RP1: variants seen among roughly 807,000 people sequenced by gnomAD.
The protein encoded by RP1 is oxygen-regulated protein 1.
RP1 carries 16 observed loss-of-function variants against 14.8 expected under a neutral mutation model. The observed-to-expected ratio is 1.08, with a 90% CI of 0.73 to 1.65. RP1 has a LOEUF of 1.65. RP1 is among the 40% of genes most tolerant of loss of function. RP1 has a pLI of 0.00. For missense variants in RP1, 2,631 were observed against 2,535.0 expected (o/e 1.04, Z -0.81); for synonymous variants, 876 against 883.6 (o/e 0.99, Z 0.15).
chr8:54,869,980 AAAG>A, exon 29 of RP1: 3 of 932,834 alleles, frequency 3.2e-6, no homozygotes, highest in Non-Finnish European at 4.2e-6. Flanking sequence ...ATATGCTTCA[AAAG>A]GCTATTGATC....
exon 12 of RP1, chr8:54,679,932 T>C (rs748779536): frequency 8.5e-6 from 13 of 1,535,798 alleles, no homozygotes; most frequent in African/African-American, 2.7e-5. Context: ...CAGACAAATA[T>C]GGTAAAACTA....
Position 54,706,384 on chromosome 8 carries a change from C to T in RP1, c.1999-59C>T, listed in dbSNP as rs917742202. 6.0e-6 allele frequency: 9 copies of T among 1,501,770 alleles called. No homozygotes were observed. In the African/African-American group the frequency reaches 1.2e-4, roughly 21 times the overall value. The allele number at this position is 1,501,770 out of a possible 1,614,324, so 93.0% of individuals were successfully genotyped here. A position where few individuals can be genotyped will look rare whatever the true frequency, so the allele number is the denominator to read the frequency against. On this transcript the variant is annotated intron_variant, in intron 14 of 22. Transcript: ENST00000636932. ...GAGAATTGCCTCTATAGTTGTCTCCCTCTAGCAAAACACGAGCCCGTTACT... is the reference window on the plus strand; with the variant it reads ...GAGAATTGCCTCTATAGTTGTCTCCTTCTAGCAAAACACGAGCCCGTTACT...
chr8:54,797,227 C>T (rs1437579769), intron 24 of RP1, among the ~76,000 whole-genome samples: 1 of 152,124 alleles, frequency 6.6e-6, no homozygotes, highest in Non-Finnish European at 1.5e-5. Flanking sequence ...ACTTTCTTAA[C>T]AGCTACCAAA....
At chr8:54,708,550 G>A (rs547240660) in intron 15 of RP1, among the ~76,000 whole-genome samples, 1 of 151,966 alleles carries the variant, frequency 6.6e-6, no homozygotes, top group Non-Finnish European at 1.5e-5. Flanking sequence ...TAGTAGAGAC[G>A]GTGTTTCACC....
intron 25 of RP1, among the ~76,000 whole-genome samples, chr8:54,843,220 A>G (rs947572186): frequency 6.6e-6 from 1 of 151,882 alleles, no homozygotes; most frequent in Non-Finnish European, 1.5e-5. Flanking sequence ...ATTTTTATGT[A>G]TTTATGTATG....
At chr8:54,583,869 C>T (rs559100794) in intron 1 of RP1, among the ~76,000 whole-genome samples, 11 of 152,092 alleles carry the variant, frequency 7.2e-5, no homozygotes, top group South Asian at 2.1e-4. Context: ...TTTTTTATTA[C>T]GTCTATTTGA....
chr8:54,697,327 G>C (rs1802237318), intron 12 of RP1, among the ~76,000 whole-genome samples: 2 of 152,166 alleles, frequency 1.3e-5, no homozygotes, highest in Non-Finnish European at 2.9e-5. Flanking sequence ...GTCTGAGGCA[G>C]GTGGATCTCC....
intron 24 of RP1, among the ~76,000 whole-genome samples, chr8:54,821,607 A>C (rs1395725245): frequency 6.6e-6 from 1 of 152,238 alleles, no homozygotes; most frequent in Non-Finnish European, 1.5e-5. Context: ...TGAAACTACC[A>C]GTTAGTCATC....
intron 1 of RP1, among the ~76,000 whole-genome samples, chr8:54,608,651 C>T (rs1166424843): frequency 6.6e-6 from 1 of 152,116 alleles, no homozygotes; most frequent in Non-Finnish European, 1.5e-5. Context: ...CTATAACAAA[C>T]CTGTACATGC....
At chr8:54,615,541 T>C (rs1252334612), upstream of RP1, among the ~76,000 whole-genome samples, 2 of 152,144 alleles carry the variant, frequency 1.3e-5, no homozygotes, top group African/African-American at 2.4e-5. Flanking sequence ...AGTGGAAGCG[T>C]GCTGGGTATG....
intron 14 of RP1, chr8:54,706,433 T>G: frequency 6.5e-7 from 1 of 1,535,570 alleles, no homozygotes; most frequent in African/African-American, 1.4e-5. Flanking sequence ...TTCTGTTTGT[T>G]GCTCTGAAGG....
chr8:54,613,653 G>A (rs889566796), upstream of RP1, among the ~76,000 whole-genome samples: 2 of 152,160 alleles, frequency 1.3e-5, no homozygotes, highest in Non-Finnish European at 2.9e-5. Context: ...TGATGTAGTG[G>A]GAAGGCAGGG....
chr8:54,674,527 G>C (rs76412425), intron 8 of RP1, among the ~76,000 whole-genome samples: 1 of 136,920 alleles, frequency 7.3e-6, no homozygotes, highest in African/African-American at 2.8e-5. Flanking sequence ...AAAAAAAAAG[G>C]AAAAAAAAAC....
At chr8:54,721,479 G>C (rs1808535613) in intron 16 of RP1, among the ~76,000 whole-genome samples, 2 of 152,168 alleles carry the variant, frequency 1.3e-5, no homozygotes, top group Non-Finnish European at 2.9e-5. Context: ...TGACCAGAAA[G>C]CAGGTAGAGA....
intron 24 of RP1, among the ~76,000 whole-genome samples, chr8:54,818,968 CG>C (rs1419484280): frequency 1.1e-4 from 16 of 150,970 alleles, no homozygotes; most frequent in African/African-American, 3.6e-4. Flanking sequence ...TACAGAGGAG[CG>C]GGTGGGGACT....
At chr8:54,679,602 A>C (rs1005363322) in exon 11 of RP1, 8 of 1,535,856 alleles carry the variant, frequency 5.2e-6, no homozygotes, top group Non-Finnish European at 7.0e-6. Flanking sequence ...TCAGGGCAGA[A>C]ATTGGAACTT....
intron 24 of RP1, among the ~76,000 whole-genome samples, chr8:54,829,723 T>A (rs556161582): frequency 6.6e-5 from 10 of 152,276 alleles, no homozygotes; most frequent in African/African-American, 2.4e-4. Context: ...CTGAACCAAG[T>A]AAATATTAAA....
chr8:54,767,362 T>A (rs1202161455), intron 22 of RP1, among the ~76,000 whole-genome samples: 1 of 135,294 alleles, frequency 7.4e-6, no homozygotes, highest in Non-Finnish European at 1.6e-5. Flanking sequence ...GTCTGTATTC[T>A]TTTTTTTTTT....
chr8:54,599,973 T>C (rs1440337665), intron 1 of RP1, among the ~76,000 whole-genome samples: 1 of 152,158 alleles, frequency 6.6e-6, no homozygotes, highest in Non-Finnish European at 1.5e-5. Context: ...CCACTTACAC[T>C]GCCTCATTTG....
Sources: allele counts gnomAD v4.1 joint callset (sites outside exome capture counted in the v4.1 genomes callset), GRCh38; gene constraint gnomAD v4.1.1; transcripts MANE v1.5; gene names NCBI Gene and HGNC (gene_info 2026-07-23, HGNC 2026-07-21).